ULK4: variants seen among roughly 807,000 people sequenced by gnomAD.
ULK4 encodes unc-51 like kinase 4, also known as inactive serine/threonine-protein kinase ULK4.
A neutral mutation model predicts 160.6 loss-of-function variants in ULK4; 133 were observed. That is an observed-to-expected ratio of 0.83 (90% CI 0.72 to 0.96). The LOEUF is 0.96. Ranked by LOEUF, ULK4 falls within the 40% of genes least tolerant of loss-of-function variation. ULK4 has a pLI of 0.00. For missense variants in ULK4, 1,580 were observed against 1,499.5 expected (o/e 1.05, Z -0.89); for synonymous variants, 534 against 539.8 (o/e 0.99, Z 0.15).
At chr3:41,440,790 G>A (rs1299155054) in intron 34 of ULK4, among the ~76,000 whole-genome samples, 1 of 152,002 alleles carries the variant, frequency 6.6e-6, no homozygotes, top group Non-Finnish European at 1.5e-5. Flanking sequence ...CTTCCTTATG[G>A]AAACATTTTA....
intron 32 of ULK4, among the ~76,000 whole-genome samples, chr3:41,564,806 G>A (rs1219124211): frequency 6.6e-6 from 1 of 151,922 alleles, no homozygotes; most frequent in African/African-American, 2.4e-5. Context: ...AAGTGTACAG[G>A]GTTTATAAAG....
chr3:41,785,383 T>G (rs1443165955), intron 21 of ULK4, among the ~76,000 whole-genome samples: 1 of 152,184 alleles, frequency 6.6e-6, no homozygotes, highest in African/African-American at 2.4e-5. Context: ...GACAGAAAAC[T>G]AGAAAGAGAT....
intron 30 of ULK4, among the ~76,000 whole-genome samples, chr3:41,654,201 T>C (rs1281947215): frequency 6.6e-6 from 1 of 152,188 alleles, no homozygotes; most frequent in Admixed American, 6.5e-5. Flanking sequence ...ACAACATGTA[T>C]CTATTCTAAA....
intron 34 of ULK4, among the ~76,000 whole-genome samples, chr3:41,434,632 G>GA (rs1051106451): frequency 2.0e-5 from 3 of 152,000 alleles, no homozygotes; most frequent in African/African-American, 7.2e-5. Flanking sequence ...AATATTTGGA[G>GA]AAAAAAATGT....
intron 32 of ULK4, among the ~76,000 whole-genome samples, chr3:41,533,997 C>T (rs1303894055): frequency 2.6e-5 from 4 of 152,034 alleles, no homozygotes; most frequent in East Asian, 1.9e-4. Flanking sequence ...TTAGTAGAGA[C>T]GGGGTTTCAC....
At chr3:41,835,536 T>G (rs967527975) in intron 18 of ULK4, among the ~76,000 whole-genome samples, 6 of 152,196 alleles carry the variant, frequency 3.9e-5, no homozygotes, top group African/African-American at 1.4e-4. Context: ...ACCAATGGTC[T>G]CCTCTTGCCT....
chr3:41,591,521 C>T (rs2031306296), intron 31 of ULK4, among the ~76,000 whole-genome samples: 1 of 151,264 alleles, frequency 6.6e-6, no homozygotes, highest in African/African-American at 2.4e-5. Context: ...ATGCATAAAT[C>T]TCATAATGTT....
At chr3:41,947,446 G>A (rs1700147052) in intron 2 of ULK4, among the ~76,000 whole-genome samples, 1 of 152,154 alleles carries the variant, frequency 6.6e-6, no homozygotes. Context: ...GAGAAAAAAG[G>A]CCATGAAGTC....
intron 32 of ULK4, among the ~76,000 whole-genome samples, chr3:41,524,591 C>T (rs957750942): frequency 1.3e-5 from 2 of 152,086 alleles, no homozygotes; most frequent in African/African-American, 4.8e-5. Flanking sequence ...AAACTGTCAC[C>T]AAGTACAGAG....
chr3:41,912,598 C>T (rs968956922), intron 9 of ULK4, among the ~76,000 whole-genome samples: 1 of 152,142 alleles, frequency 6.6e-6, no homozygotes, highest in African/African-American at 2.4e-5. Context: ...ATATCAATGA[C>T]TGAAGAATAA....
intron 2 of ULK4, among the ~76,000 whole-genome samples, chr3:41,948,788 T>C (rs1255709000): frequency 6.8e-6 from 1 of 146,602 alleles, no homozygotes; most frequent in Non-Finnish European, 1.5e-5. Context: ...ATAAAAGTCA[T>C]ATATGAAAAA....
intron 35 of ULK4, among the ~76,000 whole-genome samples, chr3:41,290,786 A>C (rs2079544333): frequency 6.6e-6 from 1 of 152,252 alleles, no homozygotes; most frequent in Non-Finnish European, 1.5e-5. Flanking sequence ...CTTGATACTC[A>C]GGACTGTTCT....
intron 17 of ULK4, among the ~76,000 whole-genome samples, chr3:41,880,700 G>T (rs1245545096): frequency 2.0e-5 from 3 of 152,108 alleles, no homozygotes; most frequent in Non-Finnish European, 2.9e-5. Context: ...AAGACAAATG[G>T]ATCACTTGAG....
intron 29 of ULK4, among the ~76,000 whole-genome samples, chr3:41,676,366 T>C (rs532897170): frequency 5.9e-5 from 9 of 152,246 alleles, no homozygotes; most frequent in South Asian, 2.1e-4. Flanking sequence ...AAGATGTAAA[T>C]GGGTAGGTCA....
intron 4 of ULK4, among the ~76,000 whole-genome samples, chr3:41,935,193 T>TTTTA (rs1293341758): frequency 0.11 from 2,466 of 23,046 alleles, 87 homozygotes; most frequent in African/African-American, 0.14. Flanking sequence ...TTTTTTGTGT[T>TTTTA]TTTATTTATT....
intron 27 of ULK4, among the ~76,000 whole-genome samples, chr3:41,700,316 C>T (rs533571609): frequency 2.0e-5 from 3 of 152,194 alleles, no homozygotes; most frequent in African/African-American, 7.2e-5. Flanking sequence ...ATCAGTGGGA[C>T]CCCTGCACTC....
chr3:41,685,866 C>T (rs1190862572), intron 27 of ULK4, among the ~76,000 whole-genome samples: 2 of 152,088 alleles, frequency 1.3e-5, no homozygotes, highest in African/African-American at 4.8e-5. Flanking sequence ...GGCCTCATGT[C>T]AATTTCTATT....
Position 41,572,765 on chromosome 3 carries a change from C to CAA in ULK4, c.3121-6637_3121-6636dup, listed in dbSNP as rs34025379. 3.8e-4 allele frequency among the ~76,000 whole-genome samples: 31 copies of CAA among 81,346 alleles called. 1 individual carries two copies. The highest frequency in any genetic ancestry group is 1.3e-3 in the Admixed American group (9 of 6,718). The allele number at this position is 81,346 out of a possible 152,430, so 53.4% of individuals were successfully genotyped here. ...TGGGCGACAGAGCAAGATTCCATCT[C>CAA]AAAAAAAAAAAAAAAAAGATATATA... On this transcript the variant is annotated intron_variant, in intron 31 of 36. Transcript: ENST00000301831.
intron 2 of ULK4, among the ~76,000 whole-genome samples, chr3:41,942,960 T>A (rs1273425194): frequency 6.6e-6 from 1 of 152,132 alleles, no homozygotes; most frequent in African/African-American, 2.4e-5. Context: ...AGGCCTGTAA[T>A]CCCAGCACTT....
Sources: allele counts gnomAD v4.1 joint callset (sites outside exome capture counted in the v4.1 genomes callset), GRCh38; gene constraint gnomAD v4.1.1; transcripts MANE v1.5; gene names NCBI Gene and HGNC (gene_info 2026-07-23, HGNC 2026-07-21).